The following ZFHX3 variants were observed in gnomAD, a reference collection of about 807,000 sequenced individuals.
The protein encoded by ZFHX3 is zinc finger homeobox protein 3.
ZFHX3 carries 42 observed loss-of-function variants against 279.1 expected under a neutral mutation model. That is an observed-to-expected ratio of 0.15 (90% CI 0.12 to 0.19). The LOEUF (loss-of-function observed/expected upper bound fraction) is 0.19. Ranked by LOEUF, ZFHX3 falls within the 10% of genes least tolerant of loss-of-function variation. ZFHX3 has a pLI of 1.00. For missense variants in ZFHX3, 4,981 were observed against 4,754.0 expected (o/e 1.05, Z -1.40); for synonymous variants, 2,293 against 1,957.8 (o/e 1.17, Z -4.52).
intron 1 of ZFHX3, among the ~76,000 whole-genome samples, chr16:73,876,368 A>C (rs1044022389): frequency 2.0e-5 from 3 of 152,224 alleles, no homozygotes; most frequent in Admixed American, 2.0e-4. Context: ...GTATGTTAAC[A>C]CGATGACCAT....
Position 72,958,427 on chromosome 16 carries a change from G to A in ZFHX3, c.1719C>T (p.Asn573=). ...GANRRNRLSF[N]SEGVRANVAE... is the part of the protein sequence containing the mutation. The stretch of plus-strand genomic sequence containing the variant: ...CCACATTGGCCCTGACGCCCTCACT[G>A]TTAAAGCTTAAACGATTCCTCCTGT... The change falls in exon 2 of 10, where the codon AAC becomes AAT. Residue 573 remains asparagine (N), a synonymous_variant. Transcript: ENST00000268489. The A allele has an allele frequency of 6.2e-7, 1 of 1,614,202 alleles. No individual in the cohort carries two copies. The highest frequency in any genetic ancestry group is 8.5e-7 in the Non-Finnish European group (1 of 1,180,048).
chr16:73,852,013 G>A (rs1190953076), intron 1 of ZFHX3, among the ~76,000 whole-genome samples: 2 of 152,180 alleles, frequency 1.3e-5, no homozygotes, highest in Non-Finnish European at 2.9e-5. Flanking sequence ...TCTACCTCCT[G>A]AATGATTGCC....
chr16:73,703,768 C>A (rs1394353208), intron 1 of ZFHX3, among the ~76,000 whole-genome samples: 2 of 152,120 alleles, frequency 1.3e-5, no homozygotes, highest in African/African-American at 2.4e-5. Flanking sequence ...TAGGAAAGCA[C>A]AGACAGGCAA....
intron 1 of ZFHX3, among the ~76,000 whole-genome samples, chr16:73,784,796 A>AC (rs1555501448): frequency 1.5e-5 from 2 of 131,082 alleles, no homozygotes; most frequent in Admixed American, 1.6e-4. Flanking sequence ...TAAAAAAAAA[A>AC]ATATATATAT....
intron 5 of ZFHX3, among the ~76,000 whole-genome samples, chr16:73,174,584 T>A (rs35806118): frequency 0.28 from 42,741 of 151,708 alleles, 6,276 homozygotes; most frequent in Middle Eastern, 0.35. Flanking sequence ...TTTCCTGTCA[T>A]CTCCTCCACT....
intron 7 of ZFHX3, chr16:73,123,220 A>G (rs1004919650): frequency 7.0e-6 from 1 of 143,502 alleles, no homozygotes; most frequent in African/African-American, 2.5e-5. Context: ...AAAAAAAAAA[A>G]TGGCTACAGT....
chr16:73,061,931 A>G (rs1162273417), upstream of ZFHX3: 1 of 152,220 alleles, frequency 6.6e-6, no homozygotes, highest in Admixed American at 6.5e-5. Flanking sequence ...TCATGTTACA[A>G]TATAGGAAAA....
At chr16:73,734,148 G>C (rs989390041) in intron 1 of ZFHX3, among the ~76,000 whole-genome samples, 1 of 152,188 alleles carries the variant, frequency 6.6e-6, no homozygotes, top group African/African-American at 2.4e-5. Context: ...TCTGACAGGA[G>C]GTGGAGCTCA....
intron 1 of ZFHX3, among the ~76,000 whole-genome samples, chr16:72,990,983 A>T (rs922727809): frequency 1.3e-5 from 2 of 150,470 alleles, no homozygotes; most frequent in Non-Finnish European, 2.9e-5. Flanking sequence ...CTGTCTCAAA[A>T]AATAAAATTA....
chr16:73,134,799 T>C (rs1205297124), intron 6 of ZFHX3, among the ~76,000 whole-genome samples: 2 of 152,050 alleles, frequency 1.3e-5, no homozygotes, highest in African/African-American at 2.4e-5. Flanking sequence ...TGGCTGCCAA[T>C]AAAATGTAAG....
At chr16:72,873,989 C>A (rs1359518085) in intron 4 of ZFHX3, among the ~76,000 whole-genome samples, 2 of 152,138 alleles carry the variant, frequency 1.3e-5, no homozygotes, top group Non-Finnish European at 2.9e-5. Flanking sequence ...AGAACACTCA[C>A]TTTATTCAAA....
rs140414313 is a variant in ZFHX3, at chr16:73,344,582, A to T, written c.-1290-26246T>A. On this transcript the variant is annotated intron_variant, in intron 3 of 17. Transcript: ENST00000641206. ...AGATAATTGTACTGTGATTAGGTAA[A>T]ACAATGTTCTTGTTCTTAGGAAACA... Among the ~76,000 whole-genome samples the T allele has an allele frequency of 2.5e-3, 384 of 152,338 alleles. 1 individual carries two copies. The highest frequency in any genetic ancestry group is 4.2e-3 in the Non-Finnish European group (289 of 68,038).
chr16:72,975,245 A>C (rs139579561), intron 1 of ZFHX3, among the ~76,000 whole-genome samples: 1,681 of 152,178 alleles, frequency 0.011, 37 homozygotes, highest in East Asian at 0.098. Flanking sequence ...AGTTCAAGAC[A>C]AGCCTGGCCA....
At chr16:72,808,458 G>A (rs952965529) in intron 7 of ZFHX3, among the ~76,000 whole-genome samples, 4 of 152,152 alleles carry the variant, frequency 2.6e-5, no homozygotes, top group African/African-American at 9.7e-5. Flanking sequence ...ATAACTCCAT[G>A]CAAAGAGAAA....
intron 4 of ZFHX3, among the ~76,000 whole-genome samples, chr16:73,317,406 C>A (rs1375980053): frequency 6.6e-6 from 1 of 152,174 alleles, no homozygotes; most frequent in Non-Finnish European, 1.5e-5. Flanking sequence ...GCCCTTCCCC[C>A]ACTCTAAGTT....
chr16:73,030,105 T>A (rs1964642398), intron 1 of ZFHX3, among the ~76,000 whole-genome samples: 9 of 152,194 alleles, frequency 5.9e-5, no homozygotes, highest in Admixed American at 5.2e-4. Flanking sequence ...ACAAATTTTT[T>A]AAAAGTGGAA....
At chr16:73,869,022 G>A (rs900722277) in intron 1 of ZFHX3, among the ~76,000 whole-genome samples, 1 of 152,074 alleles carries the variant, frequency 6.6e-6, no homozygotes, top group Non-Finnish European at 1.5e-5. Flanking sequence ...ATTTAAACTA[G>A]GAGGAAAGGT....
chr16:72,797,136 A>T lies in ZFHX3; in HGVS notation c.5546T>A (p.Ile1849Asn). ...VQVPQQSHQQ[I>N]LPQQQQNQLS... ...TTGGTTCTGCTGCTGCTGCGGCAAGATCTGCTGATGGCTCTGCTGTGGGAC... is the reference window on the plus strand; with the variant it reads ...TTGGTTCTGCTGCTGCTGCGGCAAGTTCTGCTGATGGCTCTGCTGTGGGAC... The change falls in exon 9 of 10, where the codon ATC (isoleucine) becomes AAC (asparagine). Residue 1849 changes from isoleucine (I) to asparagine (N), a missense_variant. By Grantham distance (149) the Ile-to-Asn change is moderately radical. Transcript: ENST00000268489. 6.2e-7 allele frequency: 1 copy of T among 1,613,768 alleles called. No homozygotes were observed. Among genetic ancestry groups the T allele is most frequent in the Non-Finnish European group, 8.5e-7 (1 of 1,179,950 alleles).
intron 2 of ZFHX3, among the ~76,000 whole-genome samples, chr16:73,545,561 T>C (rs2020094477): frequency 6.6e-6 from 1 of 152,170 alleles, no homozygotes; most frequent in Non-Finnish European, 1.5e-5. Context: ...GCCTCTGAAG[T>C]TGAATTTTTA....
Sources: allele counts gnomAD v4.1 joint callset (sites outside exome capture counted in the v4.1 genomes callset), GRCh38; gene constraint gnomAD v4.1.1; transcripts MANE v1.5; gene names NCBI Gene and HGNC (gene_info 2026-07-23, HGNC 2026-07-21).